The following ZNF430 variants were observed in gnomAD, a reference collection of about 807,000 sequenced individuals.
The protein encoded by ZNF430 is zinc finger protein 430.
Under a neutral mutation model 56.7 loss-of-function variants are expected in ZNF430, and 35 were observed. The ratio of observed to expected loss-of-function variants is 0.62; its 90% CI spans 0.47 to 0.82. ZNF430 has a LOEUF of 0.82. ZNF430 is among the 40% of genes least tolerant of loss of function. ZNF430 has a pLI of 0.00. For missense variants in ZNF430, 574 were observed against 661.0 expected (o/e 0.87, Z 1.44); for synonymous variants, 212 against 224.3 (o/e 0.94, Z 0.49).
chr19:21,020,909 C>G (rs1235179688), intron 1 of ZNF430, 106 bp downstream of exon 1: 3 of 1,506,384 alleles, frequency 2.0e-6, no homozygotes, highest in Admixed American at 1.7e-5. Context: ...GCTGCACAAT[C>G]TGCGCCCCGA....
intron 2 of ZNF430, among the ~76,000 whole-genome samples, chr19:21,027,823 T>C (rs1967831687): frequency 1.3e-5 from 2 of 152,084 alleles, no homozygotes; most frequent in Admixed American, 1.3e-4. Context: ...TTGGAGCTTG[T>C]TATTGGTCTA....
At chr19:21,056,372 C>T (rs1375371266) in intron 4 of ZNF430, among the ~76,000 whole-genome samples, 1 of 151,902 alleles carries the variant, frequency 6.6e-6, no homozygotes, top group African/African-American at 2.4e-5. Flanking sequence ...GCCTGTAATC[C>T]CAGCTACTTT....
At chr19:21,055,952 T>G (rs1485664204) in intron 4 of ZNF430, among the ~76,000 whole-genome samples, 1 of 152,016 alleles carries the variant, frequency 6.6e-6, no homozygotes, top group Non-Finnish European at 1.5e-5. Flanking sequence ...TAGAAGCAAG[T>G]AATAAAGATG....
rs1358692668 is a variant in ZNF430 at position 21,058,168 on chromosome 19, G to A, written c.*147G>A. On this transcript the variant is annotated 3_prime_UTR_variant, in exon 5 of 5. Coordinates refer to ENST00000261560, the MANE Select transcript of ZNF430 (RefSeq NM_025189.4). ...ACCAGACATAAGATAATTCTGGCTG[G>A]GTGCGGTGGCTCACACCTGTAATCC... 5.0e-6 allele frequency: 4 copies of A among 801,194 alleles called. No individual in the cohort carries two copies. The African/African-American group carries it at 7.0e-5, about 14-fold the overall frequency. 49.6% of individuals were successfully genotyped at this position (801,194 alleles called of 1,614,324 possible).
intron 4 of ZNF430, among the ~76,000 whole-genome samples, chr19:21,054,664 T>C (rs1481928373): frequency 6.9e-6 from 1 of 144,952 alleles, no homozygotes; most frequent in African/African-American, 2.5e-5. Flanking sequence ...TCTTCATTTT[T>C]ACGTCTTTTT....
rs773021069 is a variant in ZNF430, at chr19:21,057,541, T to A, written c.1233T>A (p.Asn411Lys). ...GTGAAGAATGTGGCAAAGGCTTTAA[T>A]TGGTCCTCGACCCTTACTAAACATA... ...YKCEECGKGF[N>K]WSSTLTKHKR... is the part of the protein sequence containing the mutation. The change falls in exon 5 of 5, where the codon AAT becomes AAA. Residue 411 changes from asparagine to lysine, a missense_variant. By Grantham distance (94) the Asn-to-Lys change is moderately conservative (BLOSUM62 0). This residue lies in a region of ZNF430 where 213 missense variants were observed against 221.0 expected (regional missense o/e 0.96). Coordinates refer to ENST00000261560, the MANE Select transcript of ZNF430 (RefSeq NM_025189.4). 3.5e-5 allele frequency: 56 copies of A among 1,606,248 alleles called. No homozygotes were observed. Among genetic ancestry groups the A allele is most frequent in the Non-Finnish European group, 4.7e-5 (55 of 1,177,692 alleles).
chr19:21,025,644 C>T (rs555153639), intron 2 of ZNF430, among the ~76,000 whole-genome samples: 4 of 151,702 alleles, frequency 2.6e-5, no homozygotes, highest in Admixed American at 6.6e-5. Flanking sequence ...TGGAGTGCAA[C>T]GGCATCATCT....
At chr19:21,025,635 G>C (rs1457992946) in intron 2 of ZNF430, among the ~76,000 whole-genome samples, 1 of 152,012 alleles carries the variant, frequency 6.6e-6, no homozygotes, top group Non-Finnish European at 1.5e-5. Context: ...TGCCCAGGCT[G>C]GAGTGCAACG....
intron 2 of ZNF430, among the ~76,000 whole-genome samples, chr19:21,029,537 C>T (rs183419063): frequency 6.6e-6 from 1 of 152,112 alleles, no homozygotes; most frequent in Non-Finnish European, 1.5e-5. Flanking sequence ...ACTGGAAATA[C>T]CTTGGTGGCA....
intron 4 of ZNF430, among the ~76,000 whole-genome samples, chr19:21,037,126 T>C (rs539299450): frequency 3.5e-4 from 53 of 151,106 alleles, no homozygotes; most frequent in African/African-American, 1.1e-3. Flanking sequence ...TTTTTTTTTT[T>C]TTTATTTTTG....
intron 2 of ZNF430, among the ~76,000 whole-genome samples, chr19:21,033,157 C>G (rs983281521): frequency 6.6e-6 from 1 of 152,046 alleles, no homozygotes; most frequent in Non-Finnish European, 1.5e-5. Flanking sequence ...GAGTTCGTGA[C>G]CAGCCTGACC....
intron 4 of ZNF430, chr19:21,036,892 AT>A (rs897066641): frequency 2.0e-5 from 3 of 151,950 alleles, no homozygotes; most frequent in African/African-American, 7.3e-5. Context: ...GATATTTTAC[AT>A]TTTGTGAAAC....
At chr19:21,038,464 G>A (rs1968043512) in intron 4 of ZNF430, among the ~76,000 whole-genome samples, 1 of 152,066 alleles carries the variant, frequency 6.6e-6, no homozygotes, top group Admixed American at 6.5e-5. Context: ...GTCTGGCTCT[G>A]TCGCCCAGGC....
At chr19:21,025,898 T>C (rs1254353074) in intron 2 of ZNF430, 1 of 395,136 alleles carries the variant, frequency 2.5e-6, no homozygotes, top group Non-Finnish European at 4.7e-6. Context: ...ATCTTGTCTT[T>C]CTGCAGCCAT....
Position 21,057,589 on chromosome 19 carries a change from A to G in ZNF430, c.1281A>G (p.Lys427=). The change falls in exon 5 of 5, where the codon AAA becomes AAG. Residue 427 remains lysine (K), a synonymous_variant. Coordinates refer to ENST00000261560, the MANE Select transcript of ZNF430 (RefSeq NM_025189.4). ...ATAAAAGAATTCATACTGGAGAGAAACCCTACAAATGTGAACAATGTGGCA... is the reference window on the plus strand; with the variant it reads ...ATAAAAGAATTCATACTGGAGAGAAGCCCTACAAATGTGAACAATGTGGCA... ...TKHKRIHTGE[K]PYKCEQCGKA... 6.2e-7 allele frequency: 1 copy of G among 1,613,326 alleles called. No individual in the cohort carries two copies. Among genetic ancestry groups the G allele is most frequent in the Non-Finnish European group, 8.5e-7 (1 of 1,179,968 alleles).
intron 4 of ZNF430, 151 bp from the exon 5 acceptor site, chr19:21,056,480 C>T (rs561454420): frequency 7.7e-5 from 40 of 520,642 alleles, no homozygotes; most frequent in South Asian, 4.6e-4. Context: ...CAGAATGAGA[C>T]TCTGTCTAAA....
intron 4 of ZNF430, among the ~76,000 whole-genome samples, chr19:21,040,102 T>C (rs553710362): frequency 7.7e-4 from 117 of 152,322 alleles, no homozygotes; most frequent in Middle Eastern, 3.4e-3. Flanking sequence ...TCTTCCAAAT[T>C]GTTGGGATTA....
intron 2 of ZNF430, among the ~76,000 whole-genome samples, chr19:21,029,869 G>T (rs1279861909): frequency 2.0e-5 from 3 of 152,250 alleles, no homozygotes; most frequent in Admixed American, 6.5e-5. Flanking sequence ...GGAGGCTGGG[G>T]CAGGAGAATC....
At position 21,057,338 on chromosome 19, in the gene ZNF430, C is replaced by A. The variant is rs752350350; in HGVS notation, c.1030C>A (p.Pro344Thr). 7.2e-5 allele frequency: 116 copies of A among 1,613,212 alleles called. No homozygotes were observed. The highest frequency in any genetic ancestry group is 8.5e-5 in the Non-Finnish European group (100 of 1,179,970). The change falls in exon 5 of 5, where the codon CCC (proline) becomes ACC (threonine). Residue 344 changes from proline (P) to threonine (T), a missense_variant. Physicochemically the swap from Pro to Thr is conservative, Grantham distance 38 (BLOSUM62 -1). Transcript: ENST00000261560. Reference protein sequence around the residue: ...THKIIHTGEKPYKCEECGKAF... With the variant: ...THKIIHTGEKTYKCEECGKAF... ...TAAGATTATTCATACTGGAGAGAAA[C>A]CCTACAAATGTGAAGAATGTGGCAA...
Sources: gnomAD v4.1 joint callset for allele counts (sites outside exome capture counted in the v4.1 genomes callset) on GRCh38, gnomAD v4.1.1 for gene constraint, gnomAD v4.1.1 regional missense constraint, MANE v1.5 for transcripts, NCBI Gene and HGNC (gene_info 2026-07-23, HGNC 2026-07-21) for gene names.